The following MAF variants were observed in gnomAD, a reference collection of about 807,000 sequenced individuals.
MAF encodes the protein MAF bZIP transcription factor.
MAF carries 10 observed loss-of-function variants against 22.0 expected under a neutral mutation model. That is an observed-to-expected ratio of 0.45 (90% confidence interval 0.28 to 0.77). MAF has a LOEUF of 0.77. Among genes scored for constraint, MAF ranks in the 30% least tolerant of loss-of-function variants. The pLI, the probability that MAF is intolerant of heterozygous loss-of-function variation, is 0.12. For synonymous variants in MAF, 337 were observed against 255.8 expected (o/e 1.32, Z -3.03); for missense variants, 544 against 548.4 (o/e 0.99, Z 0.08).
chr16:79,275,288 T>C, the MAF span, among the ~76,000 whole-genome samples: 385 of 152,012 alleles, frequency 2.5e-3, 3 homozygotes, highest in African/African-American at 9.0e-3. Flanking sequence ...CTCAGGGAGG[T>C]TGCAGTGAGA....
the MAF span, among the ~76,000 whole-genome samples, chr16:79,492,471 T>C: frequency 5.4e-5 from 6 of 111,720 alleles, no homozygotes; most frequent in African/African-American, 1.1e-4. Flanking sequence ...ATTTGTTCTA[T>C]ATATAGCAAA....
chr16:79,218,014 A>AAAAT, the MAF span, among the ~76,000 whole-genome samples: 1 of 145,068 alleles, frequency 6.9e-6, no homozygotes, highest in African/African-American at 2.6e-5. Context: ...AAAAAAAAAA[A>AAAAT]AAAAAAAAAA....
At chr16:79,255,617 C>A in the MAF span, among the ~76,000 whole-genome samples, 1 of 152,204 alleles carries the variant, frequency 6.6e-6, no homozygotes, top group African/African-American at 2.4e-5. Flanking sequence ...TCACAGACAA[C>A]CCCTTCTAAA....
chr16:79,333,064 A>G, the MAF span, among the ~76,000 whole-genome samples: 1 of 152,218 alleles, frequency 6.6e-6, no homozygotes. Flanking sequence ...TAGCCTGAAG[A>G]GAGTCAGCAT....
the MAF span, among the ~76,000 whole-genome samples, chr16:79,432,860 A>G: frequency 6.6e-6 from 1 of 152,202 alleles, no homozygotes; most frequent in Non-Finnish European, 1.5e-5. Flanking sequence ...GCATCCTGGA[A>G]CAGACTCTCC....
the MAF span, among the ~76,000 whole-genome samples, chr16:79,215,714 T>C: frequency 6.6e-6 from 1 of 152,156 alleles, no homozygotes; most frequent in Non-Finnish European, 1.5e-5. Context: ...CATACATTCA[T>C]TCATTTAACA....
the MAF span, among the ~76,000 whole-genome samples, chr16:79,448,375 GC>G: frequency 9.7e-6 from 1 of 103,332 alleles, no homozygotes; most frequent in Admixed American, 1.0e-4. Flanking sequence ...ATGAATGCTA[GC>G]ATTTTTTTTT....
the MAF span, among the ~76,000 whole-genome samples, chr16:79,539,125 A>C: frequency 1.3e-5 from 2 of 152,264 alleles, no homozygotes; most frequent in Non-Finnish European, 2.9e-5. Flanking sequence ...AGGTAGTTAC[A>C]GTGAAACTGG....
the MAF span, among the ~76,000 whole-genome samples, chr16:79,285,752 C>A: frequency 3.3e-5 from 5 of 152,306 alleles, no homozygotes; most frequent in Non-Finnish European, 7.4e-5. Context: ...AATGAGGGCA[C>A]TGACGTCCTG....
chr16:79,536,111 T>C, the MAF span, among the ~76,000 whole-genome samples: 1 of 152,352 alleles, frequency 6.6e-6, no homozygotes, highest in Admixed American at 6.5e-5. Context: ...TGAGACTTCA[T>C]GATCCTAGTG....
chr16:79,270,222 TA>T, the MAF span, among the ~76,000 whole-genome samples: 2 of 152,008 alleles, frequency 1.3e-5, no homozygotes, highest in East Asian at 1.9e-4. Context: ...GGTACCCCTT[TA>T]AAAAAGCATC....
chr16:79,301,984 T>C, the MAF span, among the ~76,000 whole-genome samples: 1 of 152,236 alleles, frequency 6.6e-6, no homozygotes, highest in Non-Finnish European at 1.5e-5. Context: ...CGAAGCCTGA[T>C]GGCTGTAACC....
chr16:79,567,027 T>C, the MAF span, among the ~76,000 whole-genome samples: 1 of 152,192 alleles, frequency 6.6e-6, no homozygotes, highest in Non-Finnish European at 1.5e-5. Context: ...ACAATTGAGA[T>C]GCAAACATTA....
the MAF span, among the ~76,000 whole-genome samples, chr16:79,307,613 A>G: frequency 6.6e-6 from 1 of 152,214 alleles, no homozygotes; most frequent in Admixed American, 6.5e-5. Flanking sequence ...AAATGGTGTT[A>G]ACAATACTGT....
At chr16:79,325,833 G>A in the MAF span, among the ~76,000 whole-genome samples, 12 of 152,120 alleles carry the variant, frequency 7.9e-5, no homozygotes, top group South Asian at 8.3e-4. Context: ...GGCTAGGAAG[G>A]GAACAGAAGA....
the MAF span, among the ~76,000 whole-genome samples, chr16:79,550,600 A>G: frequency 6.6e-6 from 1 of 152,186 alleles, no homozygotes; most frequent in African/African-American, 2.4e-5. Context: ...GTCAAGGGCC[A>G]CCTGGCAGAC....
the MAF span, among the ~76,000 whole-genome samples, chr16:79,544,862 C>T: frequency 3.3e-5 from 5 of 151,812 alleles, no homozygotes; most frequent in African/African-American, 1.2e-4. Flanking sequence ...TACATTCATT[C>T]ATGTTTGGTA....
At chr16:79,281,164 G>A in the MAF span, among the ~76,000 whole-genome samples, 7 of 150,636 alleles carry the variant, frequency 4.6e-5, no homozygotes, top group African/African-American at 1.2e-4. Context: ...AGGTTGGACG[G>A]AAGATGTGCA....
chr16:79,274,425 A>T, the MAF span, among the ~76,000 whole-genome samples: 1 of 152,106 alleles, frequency 6.6e-6, no homozygotes, highest in African/African-American at 2.4e-5. Context: ...AGCCATTTGC[A>T]TTTTAACAAG....
Sources: allele counts gnomAD v4.1 joint callset (sites outside exome capture counted in the v4.1 genomes callset), GRCh38; gene constraint gnomAD v4.1.1; transcripts MANE v1.5; gene names NCBI Gene and HGNC (gene_info 2026-07-23, HGNC 2026-07-21).